Variants in TBC1D15 observed in about 807,000 individuals in gnomAD.
TBC1D15 encodes the protein TBC1 domain family member 15.
Under a neutral mutation model 95.4 loss-of-function variants are expected in TBC1D15, and 39 were observed. The observed-to-expected ratio is 0.41, with a 90% confidence interval of 0.32 to 0.53. TBC1D15 has a LOEUF of 0.53. Among genes scored for constraint, TBC1D15 ranks in the 20% least tolerant of loss-of-function variants. The pLI, the probability that TBC1D15 is intolerant of heterozygous loss-of-function variation, is 0.29. For missense variants in TBC1D15, 733 were observed against 794.3 expected (o/e 0.92, Z 0.93); for synonymous variants, 258 against 261.3 (o/e 0.99, Z 0.12).
chr12:71,842,830 CAAAAAAAAAA>C (rs58842371), intron 1 of TBC1D15, among the ~76,000 whole-genome samples: 1 of 84,844 alleles, frequency 1.2e-5, no homozygotes, highest in African/African-American at 3.8e-5. Context: ...GACCCTGTCT[CAAAAAAAAAA>C]AAAAAAAAAG....
intron 1 of TBC1D15, chr12:71,850,371 G>T: frequency 1.3e-5 from 4 of 318,118 alleles, no homozygotes; most frequent in Non-Finnish European, 1.8e-5. Flanking sequence ...GAGCCGGCGG[G>T]GTTCGCACAG....
At chr12:71,846,237 G>C (rs1487819648) in intron 1 of TBC1D15, among the ~76,000 whole-genome samples, 1 of 152,220 alleles carries the variant, frequency 6.6e-6, no homozygotes, top group Non-Finnish European at 1.5e-5. Context: ...GCTTTCAGCA[G>C]GCCATCATTG....
At position 71,884,975 on chromosome 12, in the gene TBC1D15, A is replaced by T; in HGVS notation, c.508A>T (p.Ser170Cys). 1 of 1,613,982 alleles carries T rather than the reference A, an allele frequency of 6.2e-7. No individual in the cohort carries two copies. Among genetic ancestry groups the T allele is most frequent in the South Asian group, 1.1e-5 (1 of 91,078 alleles). The change falls in exon 5 of 17, where the codon AGC (serine) becomes TGC (cysteine). Residue 170 changes from serine to cysteine, a missense_variant. Physicochemically the swap from Ser to Cys is moderately radical, Grantham distance 112. Transcript: ENST00000485960. Reference sequence around the variant, plus strand: ...TGCTCTACACTTTCATCAAGGAGATAGCAAACTACTGATTGAATCTCTTGA... The same window carrying T: ...TGCTCTACACTTTCATCAAGGAGATTGCAAACTACTGATTGAATCTCTTGA... Reference protein sequence around the residue: ...LPALHFHQGDSKLLIESLEKY... With the variant: ...LPALHFHQGDCKLLIESLEKY...
intron 13 of TBC1D15, among the ~76,000 whole-genome samples, chr12:71,918,125 G>A (rs948986844): frequency 1.3e-5 from 2 of 152,130 alleles, no homozygotes; most frequent in East Asian, 1.9e-4. Flanking sequence ...ACTGCACTCC[G>A]ACCTGGGTGA....
chr12:71,866,113 G>C (rs1000210557), intron 1 of TBC1D15, among the ~76,000 whole-genome samples: 3 of 152,108 alleles, frequency 2.0e-5, no homozygotes, highest in Admixed American at 6.5e-5. Context: ...CCACAGGGAA[G>C]GGTGTACCAA....
At chr12:71,877,040 A>T (rs776151446) in intron 3 of TBC1D15, among the ~76,000 whole-genome samples, 2 of 151,838 alleles carry the variant, frequency 1.3e-5, no homozygotes, top group African/African-American at 2.4e-5. Flanking sequence ...CGAATCCCTG[A>T]CCTCAAGTGA....
At chr12:71,894,274 T>A in intron 6 of TBC1D15, 1 of 1,502,314 alleles carries the variant, frequency 6.7e-7, no homozygotes, top group Non-Finnish European at 9.2e-7. Flanking sequence ...ATATTTTGTG[T>A]CAGAATAGCA....
rs148844605 is a variant in TBC1D15 at position 71,890,051 on chromosome 12, G to A, written c.555-3171G>A. 6.9e-3 allele frequency among the ~76,000 whole-genome samples: 1,048 copies of A among 152,032 alleles called. 8 individuals carry two copies. The highest frequency in any genetic ancestry group is 0.014 in the Middle Eastern group (4 of 294). ...TTTATCCAGCCTACCACTGATGGGC[G>A]TTTATGTTTATTTCATGCCTTTGCT... On this transcript the variant is annotated intron_variant, in intron 5 of 16. Transcript: ENST00000485960.
intron 4 of TBC1D15, among the ~76,000 whole-genome samples, chr12:71,882,975 T>C (rs1478227507): frequency 3.9e-5 from 6 of 152,168 alleles, no homozygotes; most frequent in Non-Finnish European, 5.9e-5. Context: ...TACTCTTGAA[T>C]ATGCATAAAC....
At position 71,840,224 on chromosome 12, in the gene TBC1D15, A is replaced by G. The variant is rs533338223; in HGVS notation, c.30+413A>G. ...GACTTGCCTCTGTCTTCTTTGCTAC[A>G]GTTTGGTGAAGATGTTTATGCTTCC... is the stretch of plus-strand genomic sequence containing the variant. On this transcript the variant is annotated intron_variant, in intron 1 of 16. Transcript: ENST00000485960. 3.9e-5 allele frequency among the ~76,000 whole-genome samples: 6 copies of G among 152,162 alleles called. No homozygotes were observed. In the South Asian group the frequency reaches 1.2e-3, roughly 32 times the overall value.
intron 1 of TBC1D15, among the ~76,000 whole-genome samples, chr12:71,863,314 C>T (rs1227672427): frequency 2.0e-5 from 3 of 152,034 alleles, no homozygotes; most frequent in Non-Finnish European, 4.4e-5. Context: ...GGGGACGGAG[C>T]TTGCAGTGAG....
chr12:71,868,623 C>G (rs947108203), intron 1 of TBC1D15, among the ~76,000 whole-genome samples: 6 of 152,020 alleles, frequency 3.9e-5, no homozygotes, highest in African/African-American at 1.2e-4. Context: ...GAAACTCTTT[C>G]AACTTTTTCT....
chr12:71,881,786 G>A (rs143161288), intron 4 of TBC1D15, among the ~76,000 whole-genome samples: 1 of 152,024 alleles, frequency 6.6e-6, no homozygotes, highest in African/African-American at 2.4e-5. Flanking sequence ...GCGTGGTGGC[G>A]CATGCCTGTA....
At chr12:71,875,526 G>A (rs975863222) in intron 3 of TBC1D15, among the ~76,000 whole-genome samples, 3 of 147,676 alleles carry the variant, frequency 2.0e-5, no homozygotes, top group Non-Finnish European at 4.4e-5. Flanking sequence ...ATTTAGATTG[G>A]TGATTTTTTT....
intron 1 of TBC1D15, chr12:71,854,890 C>T: frequency 2.2e-6 from 1 of 455,546 alleles, no homozygotes; most frequent in Non-Finnish European, 4.4e-6. Flanking sequence ...ATCATGTTTT[C>T]CATCAGACAA....
chr12:71,913,081 G>C (rs1027090906), intron 11 of TBC1D15, among the ~76,000 whole-genome samples: 1 of 151,936 alleles, frequency 6.6e-6, no homozygotes, highest in African/African-American at 2.4e-5. Context: ...TTAATCAAGG[G>C]CTCTATTACT....
intron 1 of TBC1D15, chr12:71,849,331 A>C: frequency 8.0e-7 from 1 of 1,247,114 alleles, no homozygotes; most frequent in Non-Finnish European, 1.2e-6. Flanking sequence ...GGAGGCTATC[A>C]TAGGAGGCAA....
intron 14 of TBC1D15, among the ~76,000 whole-genome samples, chr12:71,919,083 T>G (rs1023068247): frequency 6.6e-6 from 1 of 152,200 alleles, no homozygotes; most frequent in Admixed American, 6.5e-5. Context: ...ATCCCATGTT[T>G]CCCTTACACC....
At chr12:71,915,579 A>G (rs1903515595) in intron 12 of TBC1D15, among the ~76,000 whole-genome samples, 2 of 152,094 alleles carry the variant, frequency 1.3e-5, no homozygotes, top group Admixed American at 6.6e-5. Flanking sequence ...ACACACATGC[A>G]TACAGACGTG....
Sources: allele counts gnomAD v4.1 joint callset (sites outside exome capture counted in the v4.1 genomes callset), GRCh38; gene constraint gnomAD v4.1.1; transcripts MANE v1.5; gene names NCBI Gene and HGNC (gene_info 2026-07-23, HGNC 2026-07-21).